Variants in NMNAT3 observed in about 807,000 individuals in gnomAD.
NMNAT3 encodes nicotinamide/nicotinic acid mononucleotide adenylyltransferase 3.
In NMNAT3, 21 loss-of-function variants were observed where a neutral mutation model predicts 24.8. The ratio of observed to expected loss-of-function variants is 0.85; its 90% CI spans 0.60 to 1.22. NMNAT3 has a LOEUF of 1.22. Ranked by LOEUF, NMNAT3 falls within the 50% of genes most tolerant of loss-of-function variation. NMNAT3 has a pLI of 0.00. For synonymous variants in NMNAT3, 136 were observed against 155.2 expected, an observed-to-expected ratio of 0.88 and a Z score of 0.92; for missense variants, 387 against 436.6, an observed-to-expected ratio of 0.89 and a Z score of 1.01.
chr3:139,641,454 T>C (rs998248202), intron 1 of NMNAT3, among the ~76,000 whole-genome samples: 2 of 152,152 alleles, frequency 1.3e-5, no homozygotes, highest in Admixed American at 1.3e-4. Flanking sequence ...AGAGAGGCTG[T>C]CCAGAGGATA....
intron 3 of NMNAT3, among the ~76,000 whole-genome samples, chr3:139,625,335 AT>A (rs1160535557): frequency 6.6e-6 from 1 of 152,146 alleles, no homozygotes; most frequent in Non-Finnish European, 1.5e-5. Context: ...TAATGTGATT[AT>A]TGATATAGTT....
intron 5 of NMNAT3, among the ~76,000 whole-genome samples, chr3:139,574,771 A>G (rs1576538261): frequency 6.6e-6 from 1 of 152,328 alleles, no homozygotes; most frequent in East Asian, 1.9e-4. Context: ...TGCTGGGCTT[A>G]TCTACACTGA....
intron 1 of NMNAT3, among the ~76,000 whole-genome samples, chr3:139,646,626 C>A (rs2108373320): frequency 6.6e-6 from 1 of 152,282 alleles, no homozygotes; most frequent in South Asian, 2.1e-4. Context: ...CAGGCAATGG[C>A]CAAAGGGAGT....
intron 3 of NMNAT3, among the ~76,000 whole-genome samples, chr3:139,595,706 G>A (rs1393926314): frequency 7.1e-6 from 1 of 140,138 alleles, no homozygotes; most frequent in Non-Finnish European, 1.5e-5. Context: ...AACAAGCAAT[G>A]GGGAAAGGAT....
intron 3 of NMNAT3, among the ~76,000 whole-genome samples, chr3:139,606,808 T>C (rs2108238718): frequency 6.6e-6 from 1 of 152,360 alleles, no homozygotes; most frequent in South Asian, 2.1e-4. Context: ...TGGGTACTTA[T>C]TTTATTCTGT....
At chr3:139,650,484 T>C (rs189942826) in intron 1 of NMNAT3, among the ~76,000 whole-genome samples, 1 of 152,352 alleles carries the variant, frequency 6.6e-6, no homozygotes, top group Non-Finnish European at 1.5e-5. Context: ...TGTGTTATAA[T>C]TGAAGAAACT....
chr3:139,600,285 C>T (rs188798371), intron 3 of NMNAT3, among the ~76,000 whole-genome samples: 2 of 151,842 alleles, frequency 1.3e-5, no homozygotes, highest in Non-Finnish European at 2.9e-5. Flanking sequence ...TTAAACTTCC[C>T]TTTGGTCCTG....
intron 5 of NMNAT3, among the ~76,000 whole-genome samples, chr3:139,575,115 C>T (rs1939106161): frequency 6.6e-6 from 1 of 152,054 alleles, no homozygotes; most frequent in Non-Finnish European, 1.5e-5. Context: ...GAAAAGGGAC[C>T]CCACGGAATT....
intron 1 of NMNAT3, among the ~76,000 whole-genome samples, chr3:139,642,565 T>C (rs1298515082): frequency 1.3e-5 from 2 of 152,164 alleles, no homozygotes; most frequent in Admixed American, 1.3e-4. Context: ...ATGAACATTA[T>C]TTTTGGTTGG....
intron 1 of NMNAT3, among the ~76,000 whole-genome samples, chr3:139,671,338 C>T (rs900894544): frequency 6.6e-6 from 1 of 152,184 alleles, no homozygotes; most frequent in African/African-American, 2.4e-5. Flanking sequence ...ACTCCATCAG[C>T]CTGTCGTTCT....
intron 3 of NMNAT3, among the ~76,000 whole-genome samples, chr3:139,596,947 TATATATATATATATA>T (rs1559891119): frequency 7.7e-4 from 100 of 129,338 alleles, no homozygotes; most frequent in African/African-American, 1.9e-3. Context: ...TATATATATA[TATATATATATATATA>T]TATTTTTATT....
At chr3:139,638,873 G>A (rs1460536404) in intron 1 of NMNAT3, among the ~76,000 whole-genome samples, 2 of 152,056 alleles carry the variant, frequency 1.3e-5, no homozygotes, top group Non-Finnish European at 2.9e-5. Flanking sequence ...CCCTAATCTG[G>A]TCATGACCTT....
intron 6 of NMNAT3, among the ~76,000 whole-genome samples, chr3:139,563,462 A>G (rs1030836116): frequency 9.9e-5 from 15 of 152,226 alleles, no homozygotes; most frequent in African/African-American, 2.4e-4. Flanking sequence ...CCTTTTTCCA[A>G]TAGATTTTTT....
intron 6 of NMNAT3, chr3:139,569,272 C>CTTA (rs1553735653): frequency 6.6e-6 from 1 of 151,792 alleles, no homozygotes; most frequent in Non-Finnish European, 1.5e-5. Context: ...ATACAGCACA[C>CTTA]TGATGGGTCT....
intron 1 of NMNAT3, among the ~76,000 whole-genome samples, chr3:139,673,848 T>G (rs1387701061): frequency 2.0e-5 from 3 of 151,768 alleles, no homozygotes; most frequent in African/African-American, 7.3e-5. Context: ...CAGGGAACAC[T>G]TGGTCCAAAG....
chr3:139,672,723 T>C (rs935496441), intron 1 of NMNAT3: 16 of 152,284 alleles, frequency 1.1e-4, no homozygotes, highest in African/African-American at 3.6e-4. Context: ...CTGGTAGGGA[T>C]TGGAGATGTA....
At chr3:139,565,022 T>C (rs1379839573) in intron 6 of NMNAT3, among the ~76,000 whole-genome samples, 1 of 152,228 alleles carries the variant, frequency 6.6e-6, no homozygotes, top group African/African-American at 2.4e-5. Flanking sequence ...TATTTTTATA[T>C]ACTTAAGATT....
At position 139,560,805 on chromosome 3, in the gene NMNAT3, T is replaced by TGTC. The variant is rs1936277740; in HGVS notation, c.*202_*204dup. On this transcript the variant is annotated 3_prime_UTR_variant, in exon 7 of 7. Transcript: ENST00000643695. Reference sequence around the variant, plus strand: ...ACACCATTTTAACTTCTTTGATAAATGTCTATCCTTGTGATTTAGACCTTT... The same window carrying TGTC: ...ACACCATTTTAACTTCTTTGATAAATGTCGTCTATCCTTGTGATTTAGACCTTT... 1 of 570,780 alleles carries TGTC rather than the reference T, an allele frequency of 1.8e-6. No homozygotes were observed. Among genetic ancestry groups the TGTC allele is most frequent in the African/African-American group, 1.9e-5 (1 of 53,550 alleles). The allele number at this position is 570,780 out of a possible 1,614,324, so 35.4% of individuals were successfully genotyped here.
intron 1 of NMNAT3, among the ~76,000 whole-genome samples, chr3:139,648,134 G>C (rs2056931256): frequency 6.6e-6 from 1 of 152,138 alleles, no homozygotes; most frequent in Non-Finnish European, 1.5e-5. Flanking sequence ...ATCCTGGGGG[G>C]GTTTTCCCTA....
Sources: allele counts gnomAD v4.1 joint callset (sites outside exome capture counted in the v4.1 genomes callset), GRCh38; gene constraint gnomAD v4.1.1; transcripts MANE v1.5; gene names NCBI Gene and HGNC (gene_info 2026-07-23, HGNC 2026-07-21).